Variants in EGFLAM observed in about 807,000 individuals in gnomAD.
The protein encoded by EGFLAM is EGF like, fibronectin type III and laminin G domains.
Under a neutral mutation model 113.1 loss-of-function variants are expected in EGFLAM, and 79 were observed. The observed-to-expected ratio is 0.70, with a 90% CI of 0.58 to 0.84. EGFLAM has a LOEUF of 0.84. EGFLAM is among the 40% of genes least tolerant of loss of function. EGFLAM has a pLI of 0.00. For synonymous variants in EGFLAM, 504 were observed against 487.6 expected (o/e 1.03, Z -0.44); for missense variants, 1,265 against 1,291.6 (o/e 0.98, Z 0.32).
At chr5:38,344,224 G>A (rs980972655) in intron 3 of EGFLAM, among the ~76,000 whole-genome samples, 3 of 152,216 alleles carry the variant, frequency 2.0e-5, no homozygotes, top group Non-Finnish European at 2.9e-5. Context: ...GGTGGCCCAC[G>A]CCTGTAATCC....
chr5:38,278,875 CTAAAAG>C (rs1201026965), intron 1 of EGFLAM, among the ~76,000 whole-genome samples: 4 of 151,904 alleles, frequency 2.6e-5, no homozygotes, highest in African/African-American at 7.3e-5. Context: ...ATCCATCAAA[CTAAAAG>C]TTTCTGCACA....
chr5:38,343,030 G>T (rs985343368), intron 3 of EGFLAM, among the ~76,000 whole-genome samples: 1 of 152,128 alleles, frequency 6.6e-6, no homozygotes, highest in South Asian at 2.1e-4. Flanking sequence ...ATCAGAAGAC[G>T]TGTTCCTGCT....
chr5:38,268,018 C>T (rs1445355881), intron 1 of EGFLAM, among the ~76,000 whole-genome samples: 1 of 152,192 alleles, frequency 6.6e-6, no homozygotes, highest in Non-Finnish European at 1.5e-5. Context: ...TGGCTGAATA[C>T]AGCTAGAGCT....
intron 17 of EGFLAM, chr5:38,445,612 A>G: frequency 6.3e-7 from 1 of 1,598,312 alleles, no homozygotes; most frequent in Non-Finnish European, 8.5e-7. Flanking sequence ...AACCAGAGTA[A>G]TTGGGATTTG....
chr5:38,306,338 T>A (rs1271986454), intron 1 of EGFLAM, among the ~76,000 whole-genome samples: 1 of 152,164 alleles, frequency 6.6e-6, no homozygotes, highest in African/African-American at 2.4e-5. Context: ...TAGTATCTCT[T>A]CTAAGACAAT....
At position 38,404,781 on chromosome 5, in the gene EGFLAM, G is replaced by A. The variant is rs114905787; in HGVS notation, c.713-1345G>A. Among the ~76,000 whole-genome samples, 1,389 of 152,258 alleles carry A rather than the reference G, an allele frequency of 9.1e-3. 33 individuals carry two copies. The highest frequency in any genetic ancestry group is 0.032 in the African/African-American group (1,327 of 41,540). On this transcript the variant is annotated intron_variant, in intron 6 of 21. Coordinates refer to ENST00000322350, the MANE Select transcript of EGFLAM (RefSeq NM_152403.4). Reference sequence around the variant, plus strand: ...TGGTGCCTGGCTTTTTCAGTTGAGAGAGGGCAGCAAGTTAATACCTGTGCT... The same window carrying A: ...TGGTGCCTGGCTTTTTCAGTTGAGAAAGGGCAGCAAGTTAATACCTGTGCT...
At chr5:38,446,400 T>C (rs1249046595) in intron 17 of EGFLAM, among the ~76,000 whole-genome samples, 1 of 152,242 alleles carries the variant, frequency 6.6e-6, no homozygotes, top group South Asian at 2.1e-4. Flanking sequence ...TTTCCTCCTC[T>C]TCTTGCTGCA....
chr5:38,455,651 G>A (rs188392657), intron 19 of EGFLAM, among the ~76,000 whole-genome samples: 2 of 152,282 alleles, frequency 1.3e-5, no homozygotes, highest in East Asian at 1.9e-4. Flanking sequence ...GTTCTTTGGA[G>A]GGTCTGAAAT....
In EGFLAM at chr5:38,406,834, C is replaced by T. The variant is rs768356681; in HGVS notation, c.835C>T (p.Pro279Ser). 1.2e-6 allele frequency: 2 copies of T among 1,613,406 alleles called. No individual in the cohort carries two copies. The highest frequency in any genetic ancestry group is 3.3e-5 in the Admixed American group (2 of 59,980). The change falls in exon 8 of 22, where the codon CCA becomes TCA. Residue 279 changes from proline to serine, a missense_variant. Coordinates refer to ENST00000322350, the MANE Select transcript of EGFLAM (RefSeq NM_152403.4). ...DLDISFEEVK[P>S]LPATKGGNKK... ...TTTCCTTCTCTGGCTTTAGGTTAAA[C>T]CACTTCCTGCTACCAAAGGAGGGAA...
chr5:38,297,823 A>C (rs888417345), intron 1 of EGFLAM, among the ~76,000 whole-genome samples: 1 of 152,156 alleles, frequency 6.6e-6, no homozygotes, highest in Non-Finnish European at 1.5e-5. Context: ...CAGCTCTGAA[A>C]ACCTCTCACC....
chr5:38,464,739 T>C lies in EGFLAM; in HGVS notation c.*753T>C, dbSNP rs1743412531. The C allele has an allele frequency of 6.6e-6, 1 of 152,232 alleles. No homozygotes were observed. Among genetic ancestry groups the C allele is most frequent in the African/African-American group, 2.4e-5 (1 of 41,454 alleles). The allele number at this position is 152,232 out of a possible 1,614,324, so 9.4% of individuals were successfully genotyped here. A position where few individuals can be genotyped will look rare whatever the true frequency, so the allele number is the denominator to read the frequency against. Reference sequence around the variant, plus strand: ...TTTTGGAAGTTTGGGTGGATGACTCTGAATTCTTGCACACCTTTCCTAAAA... The same window carrying C: ...TTTTGGAAGTTTGGGTGGATGACTCCGAATTCTTGCACACCTTTCCTAAAA... On this transcript the variant is annotated 3_prime_UTR_variant, in exon 22 of 22. Coordinates refer to ENST00000322350, the MANE Select transcript of EGFLAM (RefSeq NM_152403.4).
chr5:38,429,673 A>T (rs1054160311), intron 14 of EGFLAM, among the ~76,000 whole-genome samples: 4 of 152,234 alleles, frequency 2.6e-5, no homozygotes, highest in Non-Finnish European at 5.9e-5. Flanking sequence ...ATATCAGAAA[A>T]TATGGAATCT....
chr5:38,455,592 C>T (rs375702442), intron 19 of EGFLAM, among the ~76,000 whole-genome samples: 4 of 152,070 alleles, frequency 2.6e-5, no homozygotes, highest in African/African-American at 7.2e-5. Flanking sequence ...ATTATATACA[C>T]GAGGGAGCTT....
intron 17 of EGFLAM, 25 bp downstream of exon 17, chr5:38,438,480 G>C (rs993055759): frequency 6.5e-7 from 1 of 1,548,262 alleles, no homozygotes; most frequent in African/African-American, 1.4e-5. Flanking sequence ...CTGAGGCACA[G>C]CTCCCTGGAG....
At chr5:38,378,310 C>T (rs984204568) in intron 6 of EGFLAM, among the ~76,000 whole-genome samples, 1 of 152,134 alleles carries the variant, frequency 6.6e-6, no homozygotes, top group Non-Finnish European at 1.5e-5. Context: ...CCCAGTTTTG[C>T]TCTGAGATTT....
intron 1 of EGFLAM, among the ~76,000 whole-genome samples, chr5:38,293,905 T>C (rs968222770): frequency 6.6e-6 from 1 of 152,192 alleles, no homozygotes; most frequent in African/African-American, 2.4e-5. Flanking sequence ...AACAGTAAAT[T>C]CAGGACTCCT....
At chr5:38,394,703 C>T (rs1222993352) in intron 6 of EGFLAM, among the ~76,000 whole-genome samples, 24 of 129,632 alleles carry the variant, frequency 1.9e-4, no homozygotes, top group South Asian at 1.6e-3. Flanking sequence ...GCCACCGCGC[C>T]GGGCCCACTT....
intron 13 of EGFLAM, 120 bp from the exon 14 acceptor site, chr5:38,426,888 GC>G: frequency 7.0e-7 from 1 of 1,435,796 alleles, no homozygotes; most frequent in Non-Finnish European, 9.4e-7. Context: ...CAACCTAACT[GC>G]AGGGCTGCTG....
chr5:38,284,592 T>G (rs1561262835), intron 1 of EGFLAM, among the ~76,000 whole-genome samples: 1 of 152,206 alleles, frequency 6.6e-6, no homozygotes, highest in Non-Finnish European at 1.5e-5. Flanking sequence ...CCTGCTGCTT[T>G]CTTTTGTTTG....
Sources: gnomAD v4.1 joint callset for allele counts (sites outside exome capture counted in the v4.1 genomes callset) on GRCh38, gnomAD v4.1.1 for gene constraint, MANE v1.5 for transcripts, NCBI Gene and HGNC (gene_info 2026-07-23, HGNC 2026-07-21) for gene names.